The following TSPAN14 variants were observed in gnomAD, a reference collection of about 807,000 sequenced individuals.
TSPAN14 encodes tetraspanin 14.
A neutral mutation model predicts 36.6 loss-of-function variants in TSPAN14; 16 were observed. The ratio of observed to expected loss-of-function variants is 0.44; its 90% confidence interval spans 0.30 to 0.66. TSPAN14 has a LOEUF of 0.66. Ranked by LOEUF, TSPAN14 falls within the 30% of genes least tolerant of loss-of-function variation. The pLI is 0.12. For missense variants in TSPAN14, 231 were observed against 355.1 expected, an observed-to-expected ratio of 0.65 and a Z score of 2.81; for synonymous variants, 139 against 143.8, an observed-to-expected ratio of 0.97 and a Z score of 0.24.
chr10:80,455,319 C>A (rs2131942532), intron 1 of TSPAN14, among the ~76,000 whole-genome samples: 1 of 152,166 alleles, frequency 6.6e-6, no homozygotes, highest in East Asian at 1.9e-4. Context: ...GTGGTGAGTG[C>A]GGCGGTGTCA....
chr10:80,475,587 CA>C (rs1463211410), intron 1 of TSPAN14, among the ~76,000 whole-genome samples: 1 of 152,080 alleles, frequency 6.6e-6, no homozygotes, highest in Non-Finnish European at 1.5e-5. Context: ...CCCCTTTCCC[CA>C]TCCTTTTTTT....
At chr10:80,513,102 T>C (rs1789614251) in intron 6 of TSPAN14, among the ~76,000 whole-genome samples, 1 of 152,184 alleles carries the variant, frequency 6.6e-6, no homozygotes, top group African/African-American at 2.4e-5. Flanking sequence ...TTCACCATGT[T>C]GCCCCGGCTG....
intron 1 of TSPAN14, chr10:80,466,621 C>G (rs1363808138): frequency 6.6e-6 from 1 of 152,100 alleles, no homozygotes; most frequent in Non-Finnish European, 1.5e-5. Context: ...TGGTGCTCAT[C>G]GTGAAAGGCA....
chr10:80,469,597 T>C (rs1760585425), intron 1 of TSPAN14, among the ~76,000 whole-genome samples: 1 of 152,180 alleles, frequency 6.6e-6, no homozygotes, highest in Admixed American at 6.5e-5. Flanking sequence ...TTCTCCTGAC[T>C]CTTGATTTCC....
At chr10:80,458,052 C>T (rs897602122) in intron 1 of TSPAN14, among the ~76,000 whole-genome samples, 2 of 152,156 alleles carry the variant, frequency 1.3e-5, no homozygotes, top group Non-Finnish European at 2.9e-5. Flanking sequence ...CCTGTCTCTG[C>T]CCTGCCGTGT....
At chr10:80,498,127 C>G (rs954444458) in intron 2 of TSPAN14, among the ~76,000 whole-genome samples, 1 of 152,228 alleles carries the variant, frequency 6.6e-6, no homozygotes, top group Admixed American at 6.5e-5. Context: ...GGTCTGCACC[C>G]TCTGGTCCTT....
intron 1 of TSPAN14, among the ~76,000 whole-genome samples, chr10:80,472,043 T>G (rs1409742703): frequency 6.6e-6 from 1 of 151,922 alleles, no homozygotes; most frequent in East Asian, 1.9e-4. Flanking sequence ...TGCACTGAGG[T>G]AGGAGGATCA....
At position 80,509,281 on chromosome 10, in the gene TSPAN14, C is replaced by G; in HGVS notation, c.280-20C>G. Reference sequence around the variant, plus strand: ...GGCTGGTGGGGTGGTGACTTCTGCTCCCGTCCCCTTCCCCTGCAGTTCTGT... The same window carrying G: ...GGCTGGTGGGGTGGTGACTTCTGCTGCCGTCCCCTTCCCCTGCAGTTCTGT... On this transcript the variant is annotated intron_variant, in intron 4 of 8. Transcript: ENST00000429989. This position sits in a 1 kb window ranked among gnomAD's most constrained non-coding sequence, Gnocchi z 4.7. 3.1e-6 allele frequency: 5 copies of G among 1,609,272 alleles called. No homozygotes were observed. Among genetic ancestry groups the G allele is most frequent in the Non-Finnish European group, 4.2e-6 (5 of 1,177,848 alleles).
At position 80,517,886 on chromosome 10, in the gene TSPAN14, C is replaced by G; in HGVS notation, c.742-19C>G. On this transcript the variant is annotated intron_variant, in intron 8 of 8. Coordinates refer to ENST00000429989, the Ensembl canonical transcript of TSPAN14. ...TGGGCCCCAGCAATGGCCGCTGACT[C>G]TGCTGGTGTTGGTTTCAGATATTTG... 1 of 1,557,274 alleles carries G rather than the reference C, an allele frequency of 6.4e-7. No homozygotes were observed. Among genetic ancestry groups the G allele is most frequent in the Non-Finnish European group, 8.7e-7 (1 of 1,149,262 alleles).
At position 80,509,735 on chromosome 10, in the gene TSPAN14, G is replaced by T; in HGVS notation, c.450+264G>T. 1 of 463,588 alleles carries T rather than the reference G, an allele frequency of 2.2e-6. No individual in the cohort carries two copies. The highest frequency in any genetic ancestry group is 3.9e-6 in the Non-Finnish European group (1 of 256,610). The allele number at this position is 463,588 out of a possible 1,614,324, so 28.7% of individuals were successfully genotyped here. On this transcript the variant is annotated intron_variant, in intron 5 of 8. Coordinates refer to ENST00000429989, the Ensembl canonical transcript of TSPAN14. This position sits in a 1 kb window ranked among gnomAD's most constrained non-coding sequence, Gnocchi z 4.7. ...GAGGCCACCCACCCCCCACGTGCCC[G>T]GCCCTCCTCTTTCGGCCCCAGATCT...
intron 4 of TSPAN14, among the ~76,000 whole-genome samples, chr10:80,507,594 G>A (rs1454190970): frequency 2.0e-5 from 3 of 152,226 alleles, no homozygotes; most frequent in African/African-American, 7.2e-5. Flanking sequence ...AGCCCTGGGT[G>A]GGAGGAGCCA....
At chr10:80,507,119 G>C in intron 3 of TSPAN14, 109 bp from the exon 4 acceptor site, 2 of 1,424,552 alleles carry the variant, frequency 1.4e-6, no homozygotes. Flanking sequence ...CAAGAGGGCT[G>C]AGCCTGGGGA....
chr10:80,487,088 A>G (rs982940373), intron 1 of TSPAN14, among the ~76,000 whole-genome samples: 3 of 152,002 alleles, frequency 2.0e-5, no homozygotes, highest in African/African-American at 7.3e-5. Flanking sequence ...TAACAAACCA[A>G]CCCAGTGCTT....
At chr10:80,502,916 A>G (rs1257186018) in intron 2 of TSPAN14, among the ~76,000 whole-genome samples, 3 of 151,858 alleles carry the variant, frequency 2.0e-5, no homozygotes, top group Admixed American at 6.6e-5. Context: ...GAGGGGTCTG[A>G]AGGAGGAGGA....
intron 2 of TSPAN14, among the ~76,000 whole-genome samples, chr10:80,504,000 A>G (rs1380333577): frequency 2.0e-5 from 3 of 152,160 alleles, no homozygotes; most frequent in African/African-American, 7.2e-5. Flanking sequence ...GTTGTGGTGC[A>G]CATGGGGTAT....
exon 9 of TSPAN14, chr10:80,518,216 G>C: frequency 1.8e-6 from 1 of 557,178 alleles, no homozygotes; most frequent in South Asian, 2.1e-5. Context: ...GACAGAGAAT[G>C]TGTCTTTATG....
At chr10:80,489,292 T>C in exon 2 of TSPAN14, 1 of 1,578,852 alleles carries the variant, frequency 6.3e-7, no homozygotes, top group South Asian at 1.2e-5. Flanking sequence ...TACCTCCTTT[T>C]CAGCTACAAC....
intron 1 of TSPAN14, among the ~76,000 whole-genome samples, chr10:80,470,281 C>T (rs1372753506): frequency 6.6e-6 from 1 of 152,178 alleles, no homozygotes; most frequent in Non-Finnish European, 1.5e-5. Context: ...GACTGGGTTT[C>T]ACCATATTGG....
intron 1 of TSPAN14, among the ~76,000 whole-genome samples, chr10:80,461,866 G>A (rs1232290511): frequency 6.6e-6 from 1 of 151,974 alleles, no homozygotes; most frequent in Non-Finnish European, 1.5e-5. Context: ...GAGATACGAG[G>A]GCTTCAGGTG....
Sources: gnomAD v4.1 joint callset for allele counts (sites outside exome capture counted in the v4.1 genomes callset) on GRCh38, gnomAD v4.1.1 for gene constraint, Gnocchi (gnomAD v3.1) non-coding constraint, MANE v1.5 for transcripts, NCBI Gene and HGNC (gene_info 2026-07-23, HGNC 2026-07-21) for gene names.